Variants in SH3GLB1 observed in about 807,000 individuals in gnomAD.
SH3GLB1 encodes endophilin-B1.
SH3GLB1 carries 17 observed loss-of-function variants against 42.0 expected under a neutral mutation model. That is an observed-to-expected ratio of 0.40 (90% CI 0.28 to 0.61). The LOEUF is 0.61. SH3GLB1 is among the 20% of genes least tolerant of loss of function. SH3GLB1 has a pLI of 0.36. For synonymous variants in SH3GLB1, 132 were observed against 146.6 expected (o/e 0.90, Z 0.72); for missense variants, 355 against 426.3 (o/e 0.83, Z 1.47).
At chr1:86,733,310 A>AT (rs759671252) in intron 5 of SH3GLB1, among the ~76,000 whole-genome samples, 2 of 152,178 alleles carry the variant, frequency 1.3e-5, no homozygotes, top group Non-Finnish European at 2.9e-5. Flanking sequence ...ACAGCAACTG[A>AT]TTATCTACTT....
At chr1:86,736,602 C>T (rs1281261222) in intron 7 of SH3GLB1, among the ~76,000 whole-genome samples, 1 of 152,146 alleles carries the variant, frequency 6.6e-6, no homozygotes, top group Non-Finnish European at 1.5e-5. Flanking sequence ...TCTGGAAGTG[C>T]GGCATAGGGG....
chr1:86,740,962 T>A (rs955294909), intron 7 of SH3GLB1, among the ~76,000 whole-genome samples: 1 of 151,924 alleles, frequency 6.6e-6, no homozygotes. Flanking sequence ...AAATGTAATA[T>A]GGGAAGGAAA....
chr1:86,727,025 C>T (rs1655236521), intron 5 of SH3GLB1, among the ~76,000 whole-genome samples: 1 of 151,936 alleles, frequency 6.6e-6, no homozygotes, highest in African/African-American at 2.4e-5. Context: ...CATATTGACA[C>T]TTTTTAAGTA....
At chr1:86,726,173 C>G (rs921856629) in intron 5 of SH3GLB1, among the ~76,000 whole-genome samples, 1 of 151,954 alleles carries the variant, frequency 6.6e-6, no homozygotes, top group African/African-American at 2.4e-5. Flanking sequence ...TGTCTTTATT[C>G]AAGATGCCTA....
At position 86,747,987 on chromosome 1, in the gene SH3GLB1, T is replaced by A. The variant is rs1261671530; in HGVS notation, c.*4752T>A. The A allele has an allele frequency of 6.6e-6, 1 of 152,228 alleles. No individual in the cohort carries two copies. The highest frequency in any genetic ancestry group is 2.4e-5 in the African/African-American group (1 of 41,462). 9.4% of individuals were successfully genotyped at this position (152,228 alleles called of 1,614,324 possible). On this transcript the variant is annotated 3_prime_UTR_variant, in exon 9 of 9. Coordinates refer to ENST00000370558, the MANE Select transcript of SH3GLB1 (RefSeq NM_016009.5). ...AGACTTTTCTGTGCATTTATAGATA[T>A]TTTTAATGGGATCAAAGTGTACATA...
intron 7 of SH3GLB1, among the ~76,000 whole-genome samples, chr1:86,737,463 T>C (rs1485174517): frequency 1.3e-5 from 2 of 152,184 alleles, no homozygotes; most frequent in African/African-American, 2.4e-5. Context: ...CTTTTTCTTA[T>C]CTTCAGAAAT....
intron 7 of SH3GLB1, among the ~76,000 whole-genome samples, chr1:86,737,270 A>G (rs1400833745): frequency 6.6e-6 from 1 of 152,232 alleles, no homozygotes; most frequent in Non-Finnish European, 1.5e-5. Context: ...ACGTATCAAT[A>G]AAAGTTCTTA....
rs368673464 is a variant in SH3GLB1 at position 86,728,457 on chromosome 1, A to G, written c.570+4052A>G. The G allele has an allele frequency of 2.2e-4, 338 of 1,554,036 alleles. 2 individuals carry two copies. The African/African-American group carries it at 4.2e-3, about 19-fold the overall frequency. ...TAACATTATGGTAAATTTCTCTTAC[A>G]TGCTCAACTTCCTGCATGTAAAATG... On this transcript the variant is annotated intron_variant, in intron 5 of 8. Coordinates refer to ENST00000370558, the MANE Select transcript of SH3GLB1 (RefSeq NM_016009.5).
At chr1:86,730,466 C>T (rs1655445976) in intron 5 of SH3GLB1, 1 of 723,924 alleles carries the variant, frequency 1.4e-6, no homozygotes, top group Non-Finnish European at 1.7e-6. Context: ...TGTCCTGTAT[C>T]TTCAGAGAAT....
intron 5 of SH3GLB1, chr1:86,728,256 C>T (rs1655305788): frequency 2.4e-6 from 1 of 414,338 alleles, no homozygotes; most frequent in African/African-American, 2.1e-5. Flanking sequence ...TTTCACAGAA[C>T]AATAAATGTA....
At chr1:86,726,116 C>T (rs1462096803) in intron 5 of SH3GLB1, among the ~76,000 whole-genome samples, 1 of 151,958 alleles carries the variant, frequency 6.6e-6, no homozygotes, top group Non-Finnish European at 1.5e-5. Flanking sequence ...ATTTCATACT[C>T]AGGAAAAAAG....
intron 7 of SH3GLB1, among the ~76,000 whole-genome samples, chr1:86,737,314 A>T (rs1558334442): frequency 6.6e-6 from 1 of 152,176 alleles, no homozygotes; most frequent in Non-Finnish European, 1.5e-5. Flanking sequence ...TCATTTTTTA[A>T]ATCTTTAACT....
rs1444577058 is a variant in SH3GLB1 at position 86,746,991 on chromosome 1, C to A, written c.*3756C>A. 6.6e-6 allele frequency: 1 copy of A among 152,506 alleles called. No homozygotes were observed. Among genetic ancestry groups the A allele is most frequent in the Non-Finnish European group, 1.5e-5 (1 of 67,996 alleles). 9.4% of individuals were successfully genotyped at this position (152,506 alleles called of 1,614,324 possible). A position where few individuals can be genotyped will look rare whatever the true frequency, so the allele number is the denominator to read the frequency against. On this transcript the variant is annotated 3_prime_UTR_variant, in exon 9 of 9. Coordinates refer to ENST00000370558, the MANE Select transcript of SH3GLB1 (RefSeq NM_016009.5). ...GCTGATTACTATTTTCAAGAACTTT[C>A]TACCTTCATTTTTACTTATTTTTTG... is the stretch of plus-strand genomic sequence containing the variant.
rs1386800139 is a variant in SH3GLB1, at chr1:86,747,624, G to C, written c.*4389G>C. 1 of 152,154 alleles carries C rather than the reference G, an allele frequency of 6.6e-6. No individual in the cohort carries two copies. The highest frequency in any genetic ancestry group is 1.5e-5 in the Non-Finnish European group (1 of 68,034). The allele number at this position is 152,154 out of a possible 1,614,324, so 9.4% of individuals were successfully genotyped here. The stretch of plus-strand genomic sequence containing the variant: ...ATGCCAGTACTTGTTTGCTGTGGAA[G>C]GTTTCTAGGAATGGATTGCTTAGTC... On this transcript the variant is annotated 3_prime_UTR_variant, in exon 9 of 9. Transcript: ENST00000370558.
Position 86,745,380 on chromosome 1 carries a change from C to T in SH3GLB1, c.*2145C>T, listed in dbSNP as rs1656250744. 1 of 152,178 alleles carries T rather than the reference C, an allele frequency of 6.6e-6. No homozygotes were observed. The highest frequency in any genetic ancestry group is 1.5e-5 in the Non-Finnish European group (1 of 68,050). 9.4% of individuals were successfully genotyped at this position (152,178 alleles called of 1,614,324 possible). On this transcript the variant is annotated 3_prime_UTR_variant, in exon 9 of 9. Coordinates refer to ENST00000370558, the MANE Select transcript of SH3GLB1 (RefSeq NM_016009.5). ...TCCCCTTGTTAGCCCCTGTAGCATC[C>T]TGACCTACCAAGTCTATAGGCCTTG... is the stretch of plus-strand genomic sequence containing the variant.
intron 8 of SH3GLB1, 88 bp downstream of exon 8, chr1:86,742,524 A>G: frequency 1.1e-6 from 1 of 916,436 alleles, no homozygotes; most frequent in Non-Finnish European, 1.7e-6. Context: ...CTCATTAGTT[A>G]TTTGGAAATG....
chr1:86,730,319 C>G, intron 5 of SH3GLB1: 2 of 985,290 alleles, frequency 2.0e-6, no homozygotes, highest in Non-Finnish European at 2.4e-6. Context: ...ATGTGGTTTG[C>G]ACACACACTG....
chr1:86,730,371 G>T, intron 5 of SH3GLB1: 1 of 985,348 alleles, frequency 1.0e-6, no homozygotes, highest in Non-Finnish European at 1.2e-6. Flanking sequence ...TAATCTTACA[G>T]TTCCTTACTA....
chr1:86,724,892 A>AAATATATATATATATATATATATATATAT (rs1291454820), intron 5 of SH3GLB1, among the ~76,000 whole-genome samples: 1 of 99,694 alleles, frequency 1.0e-5, no homozygotes, highest in Non-Finnish European at 1.8e-5. Context: ...AAAAAAAAAA[A>AAATATATATATATATATATATATATATAT]ATATATATAT....
Sources: gnomAD v4.1 joint callset for allele counts (sites outside exome capture counted in the v4.1 genomes callset) on GRCh38, gnomAD v4.1.1 for gene constraint, MANE v1.5 for transcripts, NCBI Gene and HGNC (gene_info 2026-07-23, HGNC 2026-07-21) for gene names.